Variants in AQR observed in about 807,000 individuals in gnomAD.
The protein encoded by AQR is aquarius intron-binding spliceosomal factor.
In AQR, 61 loss-of-function variants were observed where a neutral mutation model predicts 180.5. The ratio of observed to expected loss-of-function variants is 0.34; its 90% CI spans 0.28 to 0.42. AQR has a LOEUF of 0.42. Ranked by LOEUF, AQR falls within the 10% of genes least tolerant of loss-of-function variation. The pLI is 1.00. For synonymous variants in AQR, 551 were observed against 588.8 expected (o/e 0.94, Z 0.93); for missense variants, 1,281 against 1,798.3 (o/e 0.71, Z 5.20).
At chr15:34,947,908 G>A (rs1234000344) in intron 5 of AQR, among the ~76,000 whole-genome samples, 1 of 152,104 alleles carries the variant, frequency 6.6e-6, no homozygotes, top group Non-Finnish European at 1.5e-5. Context: ...CCAAGTGCAG[G>A]ATTATAGGCA....
chr15:34,871,345 A>G (rs1206664116), intron 30 of AQR, among the ~76,000 whole-genome samples: 1 of 151,974 alleles, frequency 6.6e-6, no homozygotes, highest in Non-Finnish European at 1.5e-5. Flanking sequence ...TGTCTCTACT[A>G]AAAATACAAA....
chr15:34,910,877 T>C (rs182179669), intron 16 of AQR, among the ~76,000 whole-genome samples: 174 of 152,322 alleles, frequency 1.1e-3, no homozygotes, highest in Admixed American at 1.8e-3. Flanking sequence ...ATACTTTACA[T>C]TAGATCTCCA....
chr15:34,886,413 T>C, intron 25 of AQR, 113 bp downstream of exon 25: 1 of 1,093,950 alleles, frequency 9.1e-7, no homozygotes, highest in Admixed American at 2.6e-5. Flanking sequence ...TACCATACAT[T>C]CTAATCTACT....
chr15:34,857,054 T>C lies in AQR; in HGVS notation c.4196A>G (p.Asn1399Ser). ...AMVEEGEEVQNQETELETEEE... is the reference protein window; with the variant it reads ...AMVEEGEEVQSQETELETEEE... ...TTCTGTTTCCAATTCTGTTTCTTGA[T>C]TTTGAACTTCCTCACCCTCTTCTAC... Residue 1399 changes from asparagine to serine, a missense_variant, in exon 35 of 35, where the codon AAT (asparagine) becomes AGT (serine). Physicochemically the swap from Asn to Ser is conservative, Grantham distance 46 (BLOSUM62 1). Coordinates refer to ENST00000156471, the MANE Select transcript of AQR (RefSeq NM_014691.3). The C allele has an allele frequency of 6.2e-7, 1 of 1,613,108 alleles. No homozygotes were observed. Among genetic ancestry groups the C allele is most frequent in the Non-Finnish European group, 8.5e-7 (1 of 1,179,530 alleles).
chr15:34,893,405 C>T (rs1431288405), intron 23 of AQR, among the ~76,000 whole-genome samples: 3 of 152,032 alleles, frequency 2.0e-5, no homozygotes, highest in Non-Finnish European at 4.4e-5. Flanking sequence ...CTAATGCATT[C>T]CCAAATAAGG....
chr15:34,856,572 G>C lies in AQR; in HGVS notation c.*220C>G. The C allele has an allele frequency of 2.2e-6, 1 of 445,316 alleles. No individual in the cohort carries two copies. The highest frequency in any genetic ancestry group is 3.8e-5 in the Admixed American group (1 of 26,212). 27.6% of individuals were successfully genotyped at this position (445,316 alleles called of 1,614,324 possible). A position where few individuals can be genotyped will look rare whatever the true frequency, so the allele number is the denominator to read the frequency against. ...CACACTCAGTGATCAAAACATGAAAGGAATGGTTATTTGCTCTTCTGATTG... is the reference window on the plus strand; with the variant it reads ...CACACTCAGTGATCAAAACATGAAACGAATGGTTATTTGCTCTTCTGATTG... On this transcript the variant is annotated 3_prime_UTR_variant, in exon 35 of 35. Coordinates refer to ENST00000156471, the MANE Select transcript of AQR (RefSeq NM_014691.3).
intron 29 of AQR, chr15:34,874,362 CTTTAT>C: frequency 3.0e-6 from 1 of 338,568 alleles, no homozygotes; most frequent in South Asian, 5.9e-5. Context: ...CTCTTGTTCA[CTTTAT>C]TTTTAGATTT....
At chr15:34,952,780 T>G in intron 4 of AQR, 105 bp downstream of exon 4, 1 of 789,270 alleles carries the variant, frequency 1.3e-6, no homozygotes, top group Non-Finnish European at 2.0e-6. Context: ...ATATAAATCT[T>G]CACAAATTTA....
At chr15:34,872,398 A>G (rs1049680732) in intron 30 of AQR, among the ~76,000 whole-genome samples, 2 of 152,166 alleles carry the variant, frequency 1.3e-5, no homozygotes, top group Non-Finnish European at 2.9e-5. Flanking sequence ...TTGAATCGCT[A>G]AAAACTCATC....
At chr15:34,870,612 G>C (rs1892803194) in intron 31 of AQR, 140 bp downstream of exon 31, 6 of 658,896 alleles carry the variant, frequency 9.1e-6, no homozygotes, top group African/African-American at 1.8e-5. Flanking sequence ...AAGACTGTCA[G>C]AGAGTTATTT....
intron 15 of AQR, among the ~76,000 whole-genome samples, chr15:34,916,526 T>A (rs1893590890): frequency 6.6e-6 from 1 of 152,026 alleles, no homozygotes; most frequent in Admixed American, 6.6e-5. Context: ...TGACTTGTAA[T>A]CTAACTCAAT....
intron 28 of AQR, 95 bp from the exon 29 acceptor site, chr15:34,874,959 CT>C: frequency 1.7e-6 from 2 of 1,177,544 alleles, no homozygotes; most frequent in Non-Finnish European, 1.2e-6. Context: ...AAACAGCTTC[CT>C]TATCTTACAA....
chr15:34,863,712 T>C (rs1466829817), intron 32 of AQR, among the ~76,000 whole-genome samples: 1 of 152,214 alleles, frequency 6.6e-6, no homozygotes, highest in African/African-American at 2.4e-5. Flanking sequence ...ACTACACATG[T>C]AGCTGGCTAT....
At chr15:34,878,477 G>T (rs1892920405) in intron 27 of AQR, among the ~76,000 whole-genome samples, 1 of 144,850 alleles carries the variant, frequency 6.9e-6, no homozygotes, top group Non-Finnish European at 1.5e-5. Context: ...ATAGAATTTT[G>T]TACATTGTAA....
At chr15:34,912,751 T>C (rs1157690608) in intron 16 of AQR, among the ~76,000 whole-genome samples, 1 of 152,098 alleles carries the variant, frequency 6.6e-6, no homozygotes, top group Non-Finnish European at 1.5e-5. Context: ...TATTAAAAAG[T>C]TGTATTTGGG....
intron 17 of AQR, among the ~76,000 whole-genome samples, chr15:34,909,086 T>C (rs1893460394): frequency 6.6e-6 from 1 of 152,322 alleles, no homozygotes; most frequent in African/African-American, 2.4e-5. Flanking sequence ...TGTTAAACAT[T>C]TGGCTAGCTT....
chr15:34,915,950 T>TA lies in AQR; in HGVS notation c.1343-772dup, dbSNP rs879420485. On this transcript the variant is annotated intron_variant, in intron 15 of 34. Coordinates refer to ENST00000156471, the MANE Select transcript of AQR (RefSeq NM_014691.3). ...AACAAGAGCAAAACTCCGTCTCAAA[T>TA]AAAAAAAAAAAAAGAGAGAGAATTG... 3.1e-3 allele frequency among the ~76,000 whole-genome samples: 390 copies of TA among 125,352 alleles called. 1 individual carries two copies. The highest frequency in any genetic ancestry group is 0.016 in the Middle Eastern group (4 of 244). 82.2% of individuals were successfully genotyped at this position (125,352 alleles called of 152,430 possible).
At chr15:34,871,967 A>C (rs1892825931) in intron 30 of AQR, among the ~76,000 whole-genome samples, 1 of 152,050 alleles carries the variant, frequency 6.6e-6, no homozygotes, top group Non-Finnish European at 1.5e-5. Context: ...AAAAAAAAAA[A>C]AAAAGGAAGC....
chr15:34,942,378 G>A (rs1292916085), intron 6 of AQR, among the ~76,000 whole-genome samples: 3 of 152,178 alleles, frequency 2.0e-5, no homozygotes, highest in East Asian at 1.9e-4. Flanking sequence ...TGAGTTGTCC[G>A]ACGTGCACAT....
Sources: gnomAD v4.1 joint callset for allele counts (sites outside exome capture counted in the v4.1 genomes callset) on GRCh38, gnomAD v4.1.1 for gene constraint, MANE v1.5 for transcripts, NCBI Gene and HGNC (gene_info 2026-07-23, HGNC 2026-07-21) for gene names.